Variants in MCM7 observed in about 807,000 individuals in gnomAD.
MCM7 encodes the protein minichromosome maintenance complex component 7, also known as DNA replication licensing factor MCM7.
MCM7 carries 95 observed loss-of-function variants against 83.5 expected under a neutral mutation model. That is an observed-to-expected ratio of 1.14 (90% confidence interval 0.96 to 1.35). MCM7 has a LOEUF of 1.35. Among genes scored for constraint, MCM7 ranks in the 40% most tolerant of loss-of-function variants. The pLI is 0.00. For missense variants in MCM7, 1,087 were observed against 957.4 expected (o/e 1.14, Z -1.79); for synonymous variants, 461 against 352.7 (o/e 1.31, Z -3.44).
intron 13 of MCM7, chr7:100,093,818 C>A: frequency 1.6e-6 from 1 of 625,256 alleles, no homozygotes; most frequent in Non-Finnish European, 3.1e-6. Context: ...AATCACACTA[C>A]CTGCACGAAC....
rs758903079 is a variant in MCM7 at position 100,098,294 on chromosome 7, G to A, written c.721-4C>T. 1.9e-6 allele frequency: 3 copies of A among 1,613,752 alleles called. No homozygotes were observed. Among genetic ancestry groups the A allele is most frequent in the Admixed American group, 1.7e-5 (1 of 59,944 alleles). Reference sequence around the variant, plus strand: ...TTCCCACAGGCACCTGATCACTCTAGGGGAGGGAAAGGCACATAAGACTAG... The same window carrying A: ...TTCCCACAGGCACCTGATCACTCTAAGGGAGGGAAAGGCACATAAGACTAG... On this transcript the variant is annotated splice_region_variant and splice_polypyrimidine_tract_variant and intron_variant, in intron 6 of 14. Transcript: ENST00000303887.
In MCM7 at chr7:100,099,047, C is replaced by T. The variant is rs780607612; in HGVS notation, c.558G>A (p.Gln186=). 4.3e-6 allele frequency: 7 copies of T among 1,614,100 alleles called. No homozygotes were observed. In the East Asian group the frequency reaches 1.3e-4, roughly 31 times the overall value. The change falls in exon 5 of 15, where the codon CAG becomes CAA. Residue 186 remains glutamine (Q), a synonymous_variant. Coordinates refer to ENST00000303887, the MANE Select transcript of MCM7 (RefSeq NM_005916.5). ...KMVVATYTCD[Q]CGAETYQPIQ... ...CCGGCTGGTAGGTCTCTGCCCCACA[C>T]TGGTCACAAGTGTAAGTGGCCACCA...
intron 1 of MCM7, chr7:100,100,547 G>A (rs912062432): frequency 3.0e-6 from 3 of 993,360 alleles, no homozygotes; most frequent in African/African-American, 3.5e-5. Context: ...GAAGCACATG[G>A]GCCCGGATTC....
Position 100,098,145 on chromosome 7 carries a change from A to T in MCM7, c.866T>A (p.Val289Glu). 1.2e-6 allele frequency: 2 copies of T among 1,614,032 alleles called. No homozygotes were observed. The highest frequency in any genetic ancestry group is 1.6e-4 in the Middle Eastern group (1 of 6,062). ...TCATGTCAAACTCTTCCTTACCTGT[A>T]CCACCTGTCGGAACCCAGTGCGCAG... The part of the protein sequence containing the change: ...PILRTGFRQV[V>E]QGLLSETYLE... The change falls in exon 7 of 15, where the codon GTA (valine) becomes GAA (glutamate). Residue 289 changes from valine to glutamate, a missense_variant. Transcript: ENST00000303887.
intron 1 of MCM7, chr7:100,100,819 A>G: frequency 2.0e-6 from 2 of 999,618 alleles, no homozygotes; most frequent in Non-Finnish European, 2.4e-6. Flanking sequence ...GCGGCCTCAA[A>G]CGGCCAATCC....
intron 10 of MCM7, among the ~76,000 whole-genome samples, 188 bp from the exon 11 acceptor site, chr7:100,096,355 C>T (rs763491415): frequency 3.3e-5 from 5 of 152,180 alleles, no homozygotes; most frequent in Non-Finnish European, 7.3e-5. Context: ...CACTGGTTCT[C>T]TTCAGAACAC....
In MCM7 at chr7:100,100,070, C is replaced by T. The variant is rs759404323; in HGVS notation, c.55G>A (p.Glu19Lys). The T allele has an allele frequency of 1.2e-6, 2 of 1,614,126 alleles. No homozygotes were observed. The highest frequency in any genetic ancestry group is 1.7e-6 in the Non-Finnish European group (2 of 1,179,996). Residue 19 changes from glutamate (E) to lysine (K), a missense_variant, in exon 2 of 15, where the codon GAG (glutamate) becomes AAG (lysine). Coordinates refer to ENST00000303887, the MANE Select transcript of MCM7 (RefSeq NM_005916.5). ...EKEKVKKFLQ[E>K]FYQDDELGKK... ...CCGAGTTCATCATCCTGGTAGAACT[C>T]TTGTAAGAACTTCTTAACCTTTTCT...
chr7:100,100,807 G>T (rs938117188), intron 1 of MCM7: 4 of 997,546 alleles, frequency 4.0e-6, no homozygotes, highest in African/African-American at 1.7e-5. Flanking sequence ...TCCGCTCGGA[G>T]GGCGGCCTCA....
intron 5 of MCM7, 77 bp downstream of exon 5, chr7:100,098,946 A>G: frequency 1.3e-6 from 2 of 1,568,962 alleles, no homozygotes; most frequent in Non-Finnish European, 1.7e-6. Flanking sequence ...ATAAAACAAT[A>G]GGCATCACAG....
chr7:100,100,669 C>A, intron 1 of MCM7: 1 of 990,110 alleles, frequency 1.0e-6, no homozygotes, highest in Non-Finnish European at 1.2e-6. Flanking sequence ...TTCCCGGGCC[C>A]GAGCGAAGCT....
chr7:100,093,820 T>C (rs750790187), intron 13 of MCM7: 20 of 626,122 alleles, frequency 3.2e-5, no homozygotes, highest in Non-Finnish European at 6.3e-5. Context: ...TCACACTACC[T>C]GCACGAACAG....
chr7:100,095,422 G>A lies in MCM7; in HGVS notation c.1644C>T (p.Pro548=), dbSNP rs1287235184. The change falls in exon 12 of 15, where the codon CCC becomes CCT. Residue 548 remains proline, a synonymous_variant. Transcript: ENST00000303887. ...TYVHQHSRQP[P]SQFEPLDMKL... ...TCATGTCCAGAGGTTCAAACTGGGA[G>A]GGGGGCTGCCGGCTGTGCTGGTGCA... 3 of 1,613,924 alleles carry A rather than the reference G, an allele frequency of 1.9e-6. No homozygotes were observed. Among genetic ancestry groups the A allele is most frequent in the Non-Finnish European group, 2.5e-6 (3 of 1,179,922 alleles).
At chr7:100,099,873 C>G in intron 2 of MCM7, 120 bp from the exon 3 acceptor site, 1 of 1,444,012 alleles carries the variant, frequency 6.9e-7, no homozygotes, top group Non-Finnish European at 9.6e-7. Flanking sequence ...CAGGGGAGAA[C>G]GCAGCGCCAC....
intron 13 of MCM7, 62 bp from the exon 14 acceptor site, chr7:100,093,463 G>A: frequency 6.8e-7 from 1 of 1,470,566 alleles, no homozygotes; most frequent in Non-Finnish European, 9.5e-7. Flanking sequence ...GAGGTCAGGG[G>A]ACACCCTTGT....
chr7:100,096,760 G>A (rs1275444862), intron 10 of MCM7, among the ~76,000 whole-genome samples: 1 of 151,932 alleles, frequency 6.6e-6, no homozygotes, highest in Non-Finnish European at 1.5e-5. Flanking sequence ...GGGTGACTGA[G>A]ACTCCGTCTC....
At chr7:100,101,191 C>T in intron 1 of MCM7, 73 bp downstream of exon 1, 2 of 1,588,130 alleles carry the variant, frequency 1.3e-6, no homozygotes, top group Non-Finnish European at 1.7e-6. Context: ...CCCCAAGACC[C>T]CAGCTCACAC....
At chr7:100,100,732 C>G in intron 1 of MCM7, 1 of 988,628 alleles carries the variant, frequency 1.0e-6, no homozygotes, top group Non-Finnish European at 1.2e-6. Context: ...GGCCGCCGCG[C>G]GGAAGGACAC....
At chr7:100,100,233 C>G in intron 1 of MCM7, 140 bp from the exon 2 acceptor site, 1 of 1,430,376 alleles carries the variant, frequency 7.0e-7, no homozygotes, top group Non-Finnish European at 9.1e-7. Flanking sequence ...CCAAAGTGGG[C>G]ATAACTCTTT....
rs779585700 is a variant in MCM7, at chr7:100,099,367, G to A, written c.313C>T (p.His105Tyr). Reference sequence around the variant, plus strand: ...CTCCGCTGCTCCATCATTAGCCGATGCTCAATGTAAACGTCCAGGACATCT... The same window carrying A: ...CTCCGCTGCTCCATCATTAGCCGATACTCAATGTAAACGTCCAGGACATCT... ...NKDVLDVYIE[H>Y]RLMMEQRSRD... The change falls in exon 4 of 15, where the codon CAT becomes TAT. Residue 105 changes from histidine to tyrosine, a missense_variant. Coordinates refer to ENST00000303887, the MANE Select transcript of MCM7 (RefSeq NM_005916.5). The A allele has an allele frequency of 1.2e-6, 2 of 1,608,678 alleles. No individual in the cohort carries two copies. Among genetic ancestry groups the A allele is most frequent in the Non-Finnish European group, 1.7e-6 (2 of 1,178,300 alleles).
Sources: allele counts gnomAD v4.1 joint callset (sites outside exome capture counted in the v4.1 genomes callset), GRCh38; gene constraint gnomAD v4.1.1; transcripts MANE v1.5; gene names NCBI Gene and HGNC (gene_info 2026-07-23, HGNC 2026-07-21).